The following TMTC2 variants were observed in gnomAD, a reference collection of about 807,000 sequenced individuals.
TMTC2 encodes transmembrane O-mannosyltransferase targeting cadherins 2.
TMTC2 carries 43 observed loss-of-function variants against 82.4 expected under a neutral mutation model. That is an observed-to-expected ratio of 0.52 (90% CI 0.41 to 0.67). TMTC2 has a LOEUF of 0.67. Ranked by LOEUF, TMTC2 falls within the 30% of genes least tolerant of loss-of-function variation. The pLI is 0.00. For missense variants in TMTC2, 919 were observed against 1,012.4 expected (o/e 0.91, Z 1.25); for synonymous variants, 408 against 381.9 (o/e 1.07, Z -0.80).
At chr12:82,885,632 A>G (rs1390280304) in intron 2 of TMTC2, among the ~76,000 whole-genome samples, 1 of 152,072 alleles carries the variant, frequency 6.6e-6, no homozygotes, top group African/African-American at 2.4e-5. Flanking sequence ...TTGCCTCTTA[A>G]AGTGCTGAGA....
In TMTC2 at chr12:82,718,962, T is replaced by C. The variant is rs183201232; in HGVS notation, c.83+31293T>C. ...CTGTAGAGTTTAATCCTATTGATTA[T>C]AAAAATGAAGCAGTACTTTTCCCTT... On this transcript the variant is annotated intron_variant, in intron 1 of 11. Transcript: ENST00000321196. 3.3e-5 allele frequency among the ~76,000 whole-genome samples: 5 copies of C among 150,050 alleles called. No homozygotes were observed. In the Admixed American group the frequency reaches 3.3e-4, roughly 10 times the overall value.
chr12:83,001,120 G>A (rs1879901922), intron 8 of TMTC2, among the ~76,000 whole-genome samples: 1 of 152,184 alleles, frequency 6.6e-6, no homozygotes, highest in Non-Finnish European at 1.5e-5. Flanking sequence ...GACACGCCCT[G>A]AAGACATTTT....
intron 11 of TMTC2, among the ~76,000 whole-genome samples, chr12:83,095,480 T>G (rs1026952978): frequency 6.6e-6 from 1 of 152,112 alleles, no homozygotes; most frequent in Non-Finnish European, 1.5e-5. Context: ...GACCTCATGA[T>G]CCACCCGCCT....
chr12:82,948,114 C>T (rs1052274118), intron 4 of TMTC2, among the ~76,000 whole-genome samples: 1 of 152,168 alleles, frequency 6.6e-6, no homozygotes, highest in Non-Finnish European at 1.5e-5. Context: ...CATCTGTAAT[C>T]CAGCACTTTG....
intron 1 of TMTC2, among the ~76,000 whole-genome samples, chr12:82,802,041 C>T (rs971829997): frequency 2.0e-5 from 3 of 152,076 alleles, no homozygotes; most frequent in Non-Finnish European, 4.4e-5. Flanking sequence ...CGCCCACACA[C>T]TCCTCAGCCC....
intron 1 of TMTC2, among the ~76,000 whole-genome samples, chr12:82,780,216 G>A (rs1398143589): frequency 2.0e-5 from 3 of 152,120 alleles, no homozygotes; most frequent in Non-Finnish European, 4.4e-5. Flanking sequence ...CATGCCTGCT[G>A]TGGATAATCT....
chr12:82,834,534 T>C (rs547448657), intron 1 of TMTC2, among the ~76,000 whole-genome samples: 3 of 152,320 alleles, frequency 2.0e-5, no homozygotes, highest in South Asian at 2.1e-4. Context: ...CAATGATAGG[T>C]ACAGAGTAAT....
At chr12:83,039,848 T>C (rs1290540348) in intron 9 of TMTC2, among the ~76,000 whole-genome samples, 1 of 152,236 alleles carries the variant, frequency 6.6e-6, no homozygotes, top group East Asian at 1.9e-4. Flanking sequence ...GAAATGAAAC[T>C]GTGTTGTAAA....
chr12:82,757,754 T>C (rs557062799), intron 1 of TMTC2, among the ~76,000 whole-genome samples: 3 of 152,332 alleles, frequency 2.0e-5, no homozygotes, highest in African/African-American at 7.2e-5. Flanking sequence ...TGCAAATGCA[T>C]TGCAAAATGC....
intron 8 of TMTC2, among the ~76,000 whole-genome samples, chr12:83,001,431 A>T (rs573113061): frequency 6.6e-6 from 1 of 151,542 alleles, no homozygotes; most frequent in East Asian, 2.0e-4. Flanking sequence ...TCAGGTGGGG[A>T]GTTCAAGACT....
chr12:82,930,239 A>C (rs1201274577), intron 3 of TMTC2, among the ~76,000 whole-genome samples, 192 bp from the exon 4 acceptor site: 2 of 152,112 alleles, frequency 1.3e-5, no homozygotes, highest in Non-Finnish European at 2.9e-5. Context: ...AATTACTTTA[A>C]TTTTTTAAGG....
chr12:82,744,299 C>T (rs1024950794), intron 1 of TMTC2, among the ~76,000 whole-genome samples: 3 of 152,066 alleles, frequency 2.0e-5, no homozygotes, highest in Non-Finnish European at 4.4e-5. Flanking sequence ...TGGCACATGC[C>T]GTAGTCCCAG....
intron 2 of TMTC2, among the ~76,000 whole-genome samples, chr12:82,895,355 T>C (rs1380495876): frequency 1.3e-5 from 2 of 152,202 alleles, no homozygotes; most frequent in Non-Finnish European, 2.9e-5. Flanking sequence ...CCATACCACA[T>C]ATTTTTTGAC....
chr12:83,119,086 C>A (rs1019756986), intron 11 of TMTC2, among the ~76,000 whole-genome samples: 2 of 151,966 alleles, frequency 1.3e-5, no homozygotes, highest in Non-Finnish European at 2.9e-5. Flanking sequence ...TTTTATATAT[C>A]TTTTCAAAGA....
chr12:83,015,679 C>T (rs373957271), intron 8 of TMTC2, among the ~76,000 whole-genome samples: 1 of 152,066 alleles, frequency 6.6e-6, no homozygotes, highest in African/African-American at 2.4e-5. Flanking sequence ...TGTAAGTGGC[C>T]CACATTTTCT....
In TMTC2 at chr12:82,821,888, C is replaced by CAA. The variant is rs59861216; in HGVS notation, c.84-35104_84-35103dup. Among the ~76,000 whole-genome samples, 57 of 69,352 alleles carry CAA rather than the reference C, an allele frequency of 8.2e-4. 1 individual carries two copies. The highest frequency in any genetic ancestry group is 5.6e-3 in the Admixed American group (31 of 5,534). 45.5% of individuals were successfully genotyped at this position (69,352 alleles called of 152,430 possible). On this transcript the variant is annotated intron_variant, in intron 1 of 11. Transcript: ENST00000321196. ...TGGGTGACAGAGCAAGACTCCGTCT[C>CAA]AAAAAAAAAAAAAAAAAAAGCTAGA...
chr12:82,911,662 G>A (rs556585164), intron 3 of TMTC2, among the ~76,000 whole-genome samples: 3 of 151,886 alleles, frequency 2.0e-5, no homozygotes, highest in African/African-American at 7.3e-5. Context: ...GAGTACAGTG[G>A]CACGATCTTG....
At chr12:83,081,321 C>T (rs927084887) in intron 11 of TMTC2, among the ~76,000 whole-genome samples, 2 of 152,162 alleles carry the variant, frequency 1.3e-5, no homozygotes, top group African/African-American at 4.8e-5. Flanking sequence ...ATATGCTTGT[C>T]ACATTTTTAT....
Position 82,895,957 on chromosome 12 carries a change from G to A in TMTC2, c.794G>A (p.Ser265Asn), listed in dbSNP as rs1565797602. 1 of 1,613,866 alleles carries A rather than the reference G, an allele frequency of 6.2e-7. No individual in the cohort carries two copies. Among genetic ancestry groups the A allele is most frequent in the South Asian group, 1.1e-5 (1 of 91,052 alleles). ...NSDNPAADSD[S>N]LLTRTLTFFY... is the part of the protein sequence containing the mutation. ...GACAACCCCGCTGCTGATTCGGACA[G>A]CCTCCTCACCCGCACTCTCACCTTC... The change falls in exon 3 of 12, where the codon AGC (serine) becomes AAC (asparagine). Residue 265 changes from serine (S) to asparagine (N), a missense_variant. Ser to Asn is a conservative substitution (Grantham distance 46, BLOSUM62 1). Coordinates refer to ENST00000321196, the MANE Select transcript of TMTC2 (RefSeq NM_152588.3).
Sources: gnomAD v4.1 joint callset for allele counts (sites outside exome capture counted in the v4.1 genomes callset) on GRCh38, gnomAD v4.1.1 for gene constraint, MANE v1.5 for transcripts, NCBI Gene and HGNC (gene_info 2026-07-23, HGNC 2026-07-21) for gene names.